Variants in RANBP2 observed in about 807,000 individuals in gnomAD.
RANBP2 encodes E3 SUMO-protein ligase RanBP2.
RANBP2 carries 57 observed loss-of-function variants against 303.6 expected under a neutral mutation model. The observed-to-expected ratio is 0.19, with a 90% CI of 0.15 to 0.23. RANBP2 has a LOEUF of 0.23. Ranked by LOEUF, RANBP2 falls within the 10% of genes least tolerant of loss-of-function variation. The pLI is 1.00. For missense variants in RANBP2, 3,138 were observed against 3,780.8 expected, an observed-to-expected ratio of 0.83 and a Z score of 4.46; for synonymous variants, 1,167 against 1,301.5, an observed-to-expected ratio of 0.90 and a Z score of 2.23.
At chr2:108,773,646 ATT>A (rs5833300) in intron 23 of RANBP2, among the ~76,000 whole-genome samples, 124 of 145,808 alleles carry the variant, frequency 8.5e-4, no homozygotes, top group Middle Eastern at 7.1e-3. Flanking sequence ...CCCTCCAGGA[ATT>A]TTTTTTTTTT....
At chr2:108,887,904 A>T in the RANBP2 span, among the ~76,000 whole-genome samples, 1 of 152,084 alleles carries the variant, frequency 6.6e-6, no homozygotes, top group Non-Finnish European at 1.5e-5. Flanking sequence ...CCAGTACTAC[A>T]TTGAATAGCA....
the RANBP2 span, among the ~76,000 whole-genome samples, chr2:109,681,864 C>G: frequency 6.6e-6 from 1 of 152,290 alleles, no homozygotes. Flanking sequence ...GGAGACCAAA[C>G]TCCCTGTGGG....
chr2:109,443,236 T>A, the RANBP2 span, among the ~76,000 whole-genome samples: 1 of 152,258 alleles, frequency 6.6e-6, no homozygotes, highest in African/African-American at 2.4e-5. Context: ...TCAGAAGGAT[T>A]AAGTGGCTGA....
chr2:109,242,912 A>G, the RANBP2 span, among the ~76,000 whole-genome samples: 1 of 152,220 alleles, frequency 6.6e-6, no homozygotes, highest in Non-Finnish European at 1.5e-5. Context: ...ACAGAACAGC[A>G]TTAGGAAATC....
the RANBP2 span, among the ~76,000 whole-genome samples, chr2:109,268,150 T>G: frequency 6.6e-6 from 1 of 151,900 alleles, no homozygotes; most frequent in South Asian, 2.1e-4. Context: ...TCGTCACTTT[T>G]GCTGATGTTT....
the RANBP2 span, among the ~76,000 whole-genome samples, chr2:109,366,333 A>G: frequency 6.6e-6 from 1 of 152,216 alleles, no homozygotes; most frequent in South Asian, 2.1e-4. Context: ...ATATAATGGA[A>G]TGTCTCTGTG....
chr2:109,365,402 G>T, the RANBP2 span, among the ~76,000 whole-genome samples: 1,418 of 152,326 alleles, frequency 9.3e-3, 18 homozygotes, highest in African/African-American at 0.032. Context: ...GCTGCTTGGG[G>T]ATTTCTGGTA....
At position 108,768,177 on chromosome 2, in the gene RANBP2, A is replaced by G; in HGVS notation, c.7638A>G (p.Gly2546=). The change falls in exon 20 of 29, where the codon GGA becomes GGG. Residue 2546 remains glycine (G), a synonymous_variant. Coordinates refer to ENST00000283195, the MANE Select transcript of RANBP2 (RefSeq NM_006267.5). ...GNSSATGSLF[G]FSFNAPLKSN... Reference sequence around the variant, plus strand: ...GTTCAGCCACTGGGTCTTTGTTTGGATTTAGTTTTAATGCACCTTTGAAAA... The same window carrying G: ...GTTCAGCCACTGGGTCTTTGTTTGGGTTTAGTTTTAATGCACCTTTGAAAA... The G allele has an allele frequency of 1.2e-6, 2 of 1,612,006 alleles. No individual in the cohort carries two copies. Among genetic ancestry groups the G allele is most frequent in the Non-Finnish European group, 1.7e-6 (2 of 1,179,858 alleles).
the RANBP2 span, among the ~76,000 whole-genome samples, chr2:109,531,921 A>AT: frequency 6.6e-6 from 1 of 152,270 alleles, no homozygotes; most frequent in South Asian, 2.1e-4. Context: ...AACCTCATGT[A>AT]TAGAAATTGA....
At chr2:109,614,707 G>C in the RANBP2 span, 5 of 1,489,150 alleles carry the variant, frequency 3.4e-6, no homozygotes, top group Non-Finnish European at 4.4e-6. Flanking sequence ...CCCGCCGACG[G>C]CGCCAAGTAC....
At chr2:109,318,745 C>T in the RANBP2 span, among the ~76,000 whole-genome samples, 1 of 152,190 alleles carries the variant, frequency 6.6e-6, no homozygotes, top group African/African-American at 2.4e-5. Flanking sequence ...ACTGACCCTT[C>T]TGGTCTCATC....
chr2:109,140,908 C>G, the RANBP2 span, among the ~76,000 whole-genome samples: 1 of 152,166 alleles, frequency 6.6e-6, no homozygotes, highest in Non-Finnish European at 1.5e-5. Context: ...CTGCTGTAAA[C>G]AACTTCATGG....
intron 17 of RANBP2, 57 bp from the exon 18 acceptor site, chr2:108,758,356 T>A: frequency 6.2e-7 from 1 of 1,607,970 alleles, no homozygotes; most frequent in Middle Eastern, 2.3e-4. Context: ...CCAGCACTGT[T>A]TCTGTCATGA....
the RANBP2 span, among the ~76,000 whole-genome samples, chr2:109,155,197 C>T: frequency 6.6e-6 from 1 of 152,182 alleles, no homozygotes; most frequent in Non-Finnish European, 1.5e-5. Context: ...TGCTGATGTT[C>T]AGTGGTGTTC....
chr2:109,538,926 G>A, the RANBP2 span, among the ~76,000 whole-genome samples: 1 of 152,194 alleles, frequency 6.6e-6, no homozygotes, highest in African/African-American at 2.4e-5. Context: ...AGGTTTTAAT[G>A]TCTACCACAT....
At chr2:109,173,850 G>A in the RANBP2 span, among the ~76,000 whole-genome samples, 19 of 152,324 alleles carry the variant, frequency 1.2e-4, no homozygotes, top group African/African-American at 4.1e-4. Flanking sequence ...GGAATTGGAT[G>A]TTCAGACTCA....
the RANBP2 span, among the ~76,000 whole-genome samples, chr2:109,112,896 T>A: frequency 6.6e-6 from 1 of 152,180 alleles, no homozygotes; most frequent in African/African-American, 2.4e-5. Flanking sequence ...AGGGAATCCT[T>A]TCCCCATTGC....
At chr2:109,474,149 A>G in the RANBP2 span, among the ~76,000 whole-genome samples, 1 of 152,088 alleles carries the variant, frequency 6.6e-6, no homozygotes, top group Non-Finnish European at 1.5e-5. Flanking sequence ...GTGGCCAGGG[A>G]AGCTTGGCCG....
chr2:109,462,508 G>A, the RANBP2 span, among the ~76,000 whole-genome samples: 1 of 152,106 alleles, frequency 6.6e-6, no homozygotes, highest in Non-Finnish European at 1.5e-5. Flanking sequence ...GGCCAAACAG[G>A]AGAGTTGAAT....
Sources: allele counts gnomAD v4.1 joint callset (sites outside exome capture counted in the v4.1 genomes callset), GRCh38; gene constraint gnomAD v4.1.1; transcripts MANE v1.5; gene names NCBI Gene and HGNC (gene_info 2026-07-23, HGNC 2026-07-21).